The following NRXN3 variants were observed in gnomAD, a reference collection of about 807,000 sequenced individuals.
NRXN3 encodes neurexin 3.
NRXN3 carries 32 observed loss-of-function variants against 137.6 expected under a neutral mutation model. The observed-to-expected ratio is 0.23, with a 90% CI of 0.18 to 0.31. The LOEUF (loss-of-function observed/expected upper bound fraction) is 0.31, where lower values mean the gene tolerates loss of function less well. Ranked by LOEUF, NRXN3 falls within the 10% of genes least tolerant of loss-of-function variation. The probability of loss-of-function intolerance (pLI) is 1.00; values close to 1 mark genes in which losing one functional copy is unlikely to be tolerated. For synonymous variants in NRXN3, 798 were observed against 784.5 expected (o/e 1.02, Z -0.29); for missense variants, 1,574 against 2,062.5 (o/e 0.76, Z 4.59).
intron 10 of NRXN3, among the ~76,000 whole-genome samples, chr14:78,888,358 T>C (rs1012423442): frequency 1.3e-5 from 2 of 151,204 alleles, no homozygotes; most frequent in Non-Finnish European, 3.0e-5. Flanking sequence ...CAGAATGAGT[T>C]TGGGGAGTAA....
intron 15 of NRXN3, among the ~76,000 whole-genome samples, chr14:79,008,479 A>G (rs896105186): frequency 2.6e-5 from 4 of 152,144 alleles, no homozygotes; most frequent in African/African-American, 9.7e-5. Flanking sequence ...CTACTACCCA[A>G]CTTAAGAGTT....
At chr14:79,315,713 A>G (rs1318634225) in intron 15 of NRXN3, among the ~76,000 whole-genome samples, 1 of 152,194 alleles carries the variant, frequency 6.6e-6, no homozygotes, top group Non-Finnish European at 1.5e-5. Context: ...CTTTTCCTTT[A>G]ATATAAAAAA....
intron 8 of NRXN3, among the ~76,000 whole-genome samples, chr14:78,730,030 G>A (rs960860541): frequency 3.3e-5 from 5 of 152,258 alleles, no homozygotes; most frequent in Admixed American, 1.3e-4. Flanking sequence ...TAGGATTTTC[G>A]TAGTTGGAGA....
intron 10 of NRXN3, among the ~76,000 whole-genome samples, chr14:78,863,973 T>C (rs1033531983): frequency 6.6e-6 from 1 of 152,128 alleles, no homozygotes; most frequent in Non-Finnish European, 1.5e-5. Context: ...TGAAAAATAG[T>C]AAAAGTATAA....
intron 20 of NRXN3, among the ~76,000 whole-genome samples, chr14:79,847,595 AGAAAC>A (rs2099382212): frequency 6.6e-6 from 1 of 152,218 alleles, no homozygotes; most frequent in African/African-American, 2.4e-5. Context: ...AAATTACCTT[AGAAAC>A]TATAAAATAT....
intron 20 of NRXN3, among the ~76,000 whole-genome samples, chr14:79,835,036 G>A (rs1394470038): frequency 6.6e-6 from 1 of 152,080 alleles, no homozygotes; most frequent in Admixed American, 6.6e-5. Context: ...AAGAAGTCAG[G>A]TCATGTGATA....
intron 15 of NRXN3, among the ~76,000 whole-genome samples, chr14:79,032,578 A>T (rs887435813): frequency 6.6e-6 from 1 of 152,146 alleles, no homozygotes; most frequent in Non-Finnish European, 1.5e-5. Flanking sequence ...TTCCACTTTG[A>T]TATTTCTTAA....
chr14:78,924,121 C>T (rs1443175613), intron 10 of NRXN3, among the ~76,000 whole-genome samples: 12 of 152,152 alleles, frequency 7.9e-5, no homozygotes, highest in Admixed American at 3.3e-4. Context: ...TGGTGGCACA[C>T]GCCTATAATC....
intron 4 of NRXN3, among the ~76,000 whole-genome samples, chr14:78,376,976 A>G (rs746768485): frequency 6.6e-6 from 1 of 152,234 alleles, no homozygotes; most frequent in South Asian, 2.1e-4. Context: ...ACGGAATTCT[A>G]AAAATTATTC....
At chr14:78,650,535 AG>A (rs1351520122) in intron 5 of NRXN3, among the ~76,000 whole-genome samples, 1 of 151,764 alleles carries the variant, frequency 6.6e-6, no homozygotes, top group Non-Finnish European at 1.5e-5. Context: ...GAGCCAAGGG[AG>A]GGTAGGGATT....
At chr14:79,554,380 T>C (rs1245952239) in intron 16 of NRXN3, among the ~76,000 whole-genome samples, 4 of 152,218 alleles carry the variant, frequency 2.6e-5, no homozygotes, top group African/African-American at 9.6e-5. Flanking sequence ...CTTTTAGTTC[T>C]TCATTGAGCA....
rs1433350965 is a variant in NRXN3 at position 79,645,138 on chromosome 14, A to G, written c.3445-18640A>G. The stretch of plus-strand genomic sequence containing the variant: ...AGACTTCCCTTATCACTTTAACTGA[A>G]AGGCAGACTTTCTTATTCCATATTT... On this transcript the variant is annotated intron_variant, in intron 16 of 20. Transcript: ENST00000335750. Among the ~76,000 whole-genome samples, 2 of 135,354 alleles carry G rather than the reference A, an allele frequency of 1.5e-5. 1 individual carries two copies. Among genetic ancestry groups the G allele is most frequent in the Non-Finnish European group, 3.4e-5 (2 of 58,264 alleles). The allele number at this position is 135,354 out of a possible 152,430, so 88.8% of individuals were successfully genotyped here.
chr14:78,247,271 T>C (rs2067834490), intron 2 of NRXN3, among the ~76,000 whole-genome samples: 1 of 152,200 alleles, frequency 6.6e-6, no homozygotes, highest in Non-Finnish European at 1.5e-5. Flanking sequence ...TGATTCCCCG[T>C]TGGGTATATT....
chr14:78,363,981 T>G (rs1051861356), intron 4 of NRXN3, among the ~76,000 whole-genome samples: 2 of 152,192 alleles, frequency 1.3e-5, no homozygotes, highest in Non-Finnish European at 2.9e-5. Context: ...AACACTTTAT[T>G]CTTTCTGAAA....
At chr14:79,477,091 G>A (rs1342341419) in intron 16 of NRXN3, among the ~76,000 whole-genome samples, 1 of 151,658 alleles carries the variant, frequency 6.6e-6, no homozygotes, top group Non-Finnish European at 1.5e-5. Context: ...TACCAAAGAA[G>A]GTAAAAATAC....
intron 19 of NRXN3, among the ~76,000 whole-genome samples, chr14:79,753,303 A>T (rs1301104533): frequency 2.0e-5 from 3 of 151,988 alleles, no homozygotes; most frequent in Non-Finnish European, 4.4e-5. Flanking sequence ...CACAATAGCA[A>T]AGACTTGGAA....
At chr14:79,315,292 T>C (rs1297572865) in intron 15 of NRXN3, among the ~76,000 whole-genome samples, 1 of 152,218 alleles carries the variant, frequency 6.6e-6, no homozygotes, top group Non-Finnish European at 1.5e-5. Flanking sequence ...GTTAGTCTTT[T>C]CCTCAAGTAA....
At chr14:78,656,691 C>G (rs2097786895) in intron 6 of NRXN3, among the ~76,000 whole-genome samples, 1 of 152,116 alleles carries the variant, frequency 6.6e-6, no homozygotes, top group Non-Finnish European at 1.5e-5. Context: ...GTTAATTCAT[C>G]TACCACTTTC....
At chr14:78,628,941 C>A (rs895346801) in intron 4 of NRXN3, among the ~76,000 whole-genome samples, 4 of 152,168 alleles carry the variant, frequency 2.6e-5, no homozygotes, top group Admixed American at 2.0e-4. Context: ...ATTCTAAATT[C>A]CCTTGTCAAT....
Sources: gnomAD v4.1 joint callset for allele counts (sites outside exome capture counted in the v4.1 genomes callset) on GRCh38, gnomAD v4.1.1 for gene constraint, MANE v1.5 for transcripts, NCBI Gene and HGNC (gene_info 2026-07-23, HGNC 2026-07-21) for gene names.